The following UBE2QL1 variants were observed in gnomAD, a reference collection of about 807,000 sequenced individuals.
UBE2QL1 encodes ubiquitin conjugating enzyme E2 QL1.
UBE2QL1 carries 5 observed loss-of-function variants against 12.6 expected under a neutral mutation model. The observed-to-expected ratio is 0.40, with a 90% confidence interval of 0.21 to 0.83. The LOEUF (loss-of-function observed/expected upper bound fraction) is 0.83, where lower values mean the gene tolerates loss of function less well. Ranked by LOEUF, UBE2QL1 falls within the 40% of genes least tolerant of loss-of-function variation. UBE2QL1 has a pLI of 0.37. For missense variants in UBE2QL1, 99 were observed against 222.6 expected (o/e 0.44, Z 3.53); for synonymous variants, 96 against 94.5 (o/e 1.02, Z -0.10).
intron 1 of UBE2QL1, among the ~76,000 whole-genome samples, chr5:6,454,011 G>A (rs1739467019): frequency 6.6e-6 from 1 of 151,962 alleles, no homozygotes; most frequent in African/African-American, 2.4e-5. Context: ...CTCCCAAGTA[G>A]TTGGGACTAC....
chr5:6,469,549 A>G (rs1422142547), intron 1 of UBE2QL1, among the ~76,000 whole-genome samples: 1 of 146,078 alleles, frequency 6.8e-6, no homozygotes, highest in African/African-American at 2.5e-5. Flanking sequence ...GATTATACAT[A>G]TATATAATCT....
At position 6,479,455 on chromosome 5, in the gene UBE2QL1, G is replaced by A. The variant is rs989262090; in HGVS notation, c.355-11763G>A. Among the ~76,000 whole-genome samples, 1 of 152,126 alleles carries A rather than the reference G, an allele frequency of 6.6e-6. No homozygotes were observed. Among genetic ancestry groups the A allele is most frequent in the South Asian group, 2.1e-4 (1 of 4,822 alleles). On this transcript the variant is annotated intron_variant, in intron 1 of 1. Transcript: ENST00000399816. This position sits in a 1 kb window ranked among gnomAD's most constrained non-coding sequence, Gnocchi z 4.2. Reference sequence around the variant, plus strand: ...GGCGACTTCAGTAAGAAAGTGGGGGGTCTCTGGGGCTAGTCAGGGAAATGT... The same window carrying A: ...GGCGACTTCAGTAAGAAAGTGGGGGATCTCTGGGGCTAGTCAGGGAAATGT...
chr5:6,469,181 G>A (rs182838527), intron 1 of UBE2QL1, among the ~76,000 whole-genome samples: 21 of 152,270 alleles, frequency 1.4e-4, no homozygotes, highest in Admixed American at 1.2e-3. Flanking sequence ...CTTTGGCTGC[G>A]TCTTCTCCAG....
chr5:6,485,745 A>G (rs572838638), intron 1 of UBE2QL1, among the ~76,000 whole-genome samples: 28 of 152,244 alleles, frequency 1.8e-4, no homozygotes, highest in Non-Finnish European at 3.8e-4. Context: ...AAAAGTCTGT[A>G]ATTCATAGGC....
At chr5:6,483,785 C>T (rs1330130629) in intron 1 of UBE2QL1, among the ~76,000 whole-genome samples, 2 of 152,224 alleles carry the variant, frequency 1.3e-5, no homozygotes, top group Non-Finnish European at 2.9e-5. Flanking sequence ...GGCTGGTTCC[C>T]TTGTGGCTGA....
chr5:6,475,835 A>G (rs1274031340), intron 1 of UBE2QL1, among the ~76,000 whole-genome samples: 1 of 152,100 alleles, frequency 6.6e-6, no homozygotes, highest in Non-Finnish European at 1.5e-5. Flanking sequence ...GACCCCGCCC[A>G]CAAGAGACAA....
chr5:6,473,176 C>G (rs1437845995), intron 1 of UBE2QL1, among the ~76,000 whole-genome samples: 4 of 152,220 alleles, frequency 2.6e-5, no homozygotes, highest in Non-Finnish European at 5.9e-5. Context: ...ACAACCCCCT[C>G]TGCTCTTCCT....
At chr5:6,455,717 T>A (rs181954726) in intron 1 of UBE2QL1, among the ~76,000 whole-genome samples, 184 of 152,236 alleles carry the variant, frequency 1.2e-3, no homozygotes, top group African/African-American at 4.1e-3. Context: ...ACGCTGGCCA[T>A]GGTCCACCTC....
At chr5:6,465,939 C>T (rs1045933332) in intron 1 of UBE2QL1, among the ~76,000 whole-genome samples, 1 of 152,158 alleles carries the variant, frequency 6.6e-6, no homozygotes, top group Non-Finnish European at 1.5e-5. Flanking sequence ...TGCTCCCTTC[C>T]TTCCCCCGAC....
At position 6,479,017 on chromosome 5, in the gene UBE2QL1, C is replaced by T. The variant is rs76161542; in HGVS notation, c.355-12201C>T. On this transcript the variant is annotated intron_variant, in intron 1 of 1. Transcript: ENST00000399816. This position sits in a 1 kb window ranked among gnomAD's most constrained non-coding sequence, Gnocchi z 4.2. ...ATGACAGAGCTGCCTGCCCTGGGGGCGTCCCTTCTATCGTGTGCAGCATCA... is the reference window on the plus strand; with the variant it reads ...ATGACAGAGCTGCCTGCCCTGGGGGTGTCCCTTCTATCGTGTGCAGCATCA... Among the ~76,000 whole-genome samples, 1,282 of 152,166 alleles carry T rather than the reference C, an allele frequency of 8.4e-3. 7 individuals carry two copies. Among genetic ancestry groups the T allele is most frequent in the Middle Eastern group, 0.014 (4 of 294 alleles).
chr5:6,458,918 C>G (rs755263324), intron 1 of UBE2QL1, among the ~76,000 whole-genome samples: 1 of 151,878 alleles, frequency 6.6e-6, no homozygotes, highest in Non-Finnish European at 1.5e-5. Context: ...TTATCAGAGC[C>G]CTCTCCTGCA....
intron 1 of UBE2QL1, among the ~76,000 whole-genome samples, chr5:6,484,377 C>T (rs1216161011): frequency 6.6e-6 from 1 of 152,168 alleles, no homozygotes; most frequent in African/African-American, 2.4e-5. Flanking sequence ...CTGAGGCTGC[C>T]TGTCTTTGGT....
chr5:6,449,955 G>A (rs1197642520), intron 1 of UBE2QL1, among the ~76,000 whole-genome samples: 1 of 149,132 alleles, frequency 6.7e-6, no homozygotes, highest in East Asian at 2.0e-4. Context: ...AGGGACAGCT[G>A]CCTGCTTGTA....
chr5:6,472,425 G>T (rs560360292), intron 1 of UBE2QL1, among the ~76,000 whole-genome samples: 1 of 152,024 alleles, frequency 6.6e-6, no homozygotes, highest in African/African-American at 2.4e-5. Context: ...GCGGCCGATC[G>T]ACACACTTCC....
chr5:6,486,326 GCA>G (rs376249394), intron 1 of UBE2QL1, among the ~76,000 whole-genome samples: 12 of 149,024 alleles, frequency 8.1e-5, no homozygotes, highest in Middle Eastern at 3.4e-3. Flanking sequence ...ACACACACAA[GCA>G]CACACACACA....
intron 1 of UBE2QL1, among the ~76,000 whole-genome samples, chr5:6,462,939 A>C (rs1434086081): frequency 6.6e-6 from 1 of 152,260 alleles, no homozygotes; most frequent in Non-Finnish European, 1.5e-5. Flanking sequence ...GGCGTCAAGC[A>C]CAGTTGGAGT....
intron 1 of UBE2QL1, among the ~76,000 whole-genome samples, chr5:6,469,289 C>G (rs1444812473): frequency 6.6e-6 from 1 of 152,114 alleles, no homozygotes. Context: ...ATTCCAGATG[C>G]TTCATGAGTT....
intron 1 of UBE2QL1, among the ~76,000 whole-genome samples, chr5:6,490,386 AGCCGTCTTGT>A (rs1734544981): frequency 6.6e-6 from 1 of 152,210 alleles, no homozygotes; most frequent in Admixed American, 6.5e-5. Flanking sequence ...CATAGTCCAG[AGCCGTCTTGT>A]GCCGTCATAA....
intron 1 of UBE2QL1, among the ~76,000 whole-genome samples, chr5:6,454,882 C>T (rs750638443): frequency 5.3e-5 from 8 of 151,986 alleles, no homozygotes; most frequent in Non-Finnish European, 1.2e-4. Flanking sequence ...CTTGAGGTAT[C>T]GATACACTGG....
Sources: allele counts gnomAD v4.1 joint callset (sites outside exome capture counted in the v4.1 genomes callset), GRCh38; gene constraint gnomAD v4.1.1; non-coding constraint Gnocchi (gnomAD v3.1); transcripts MANE v1.5; gene names NCBI Gene and HGNC (gene_info 2026-07-23, HGNC 2026-07-21).